HS3ST5: variants seen among roughly 807,000 people sequenced by gnomAD.
The protein encoded by HS3ST5 is heparan sulfate-glucosamine 3-sulfotransferase 5, also known as heparan sulfate glucosamine 3-O-sulfotransferase 5.
A neutral mutation model predicts 25.4 loss-of-function variants in HS3ST5; 10 were observed. The ratio of observed to expected loss-of-function variants is 0.39; its 90% CI spans 0.24 to 0.67. HS3ST5 has a LOEUF of 0.67. HS3ST5 is among the 30% of genes least tolerant of loss of function. The probability of loss-of-function intolerance (pLI) is 0.44; values close to 1 mark genes in which losing one functional copy is unlikely to be tolerated. For synonymous variants in HS3ST5, 170 were observed against 162.4 expected (o/e 1.05, Z -0.36); for missense variants, 324 against 420.7 (o/e 0.77, Z 2.01).
At chr6:114,338,317 A>ATATACATACATATACATTGTGTATATC in intron 1 of HS3ST5, among the ~76,000 whole-genome samples, 1 of 151,634 alleles carries the variant, frequency 6.6e-6, no homozygotes, top group Non-Finnish European at 1.5e-5. Context: ...TTGTGTATAT[A>ATATACATACATATACATTGTGTATATC]TATACATACA....
intron 3 of HS3ST5, among the ~76,000 whole-genome samples, chr6:114,147,248 T>C (rs531178477): frequency 6.6e-6 from 1 of 152,162 alleles, no homozygotes; most frequent in Non-Finnish European, 1.5e-5. Context: ...ATTTGGCTAT[T>C]TGGGGTACGA....
At chr6:114,270,169 G>A (rs1447840155) in intron 1 of HS3ST5, among the ~76,000 whole-genome samples, 1 of 152,120 alleles carries the variant, frequency 6.6e-6, no homozygotes, top group Non-Finnish European at 1.5e-5. Flanking sequence ...TAGTAAATGA[G>A]AAAAAAGAAG....
intron 2 of HS3ST5, among the ~76,000 whole-genome samples, chr6:114,223,522 T>G (rs1442544283): frequency 6.6e-6 from 1 of 151,756 alleles, no homozygotes; most frequent in Admixed American, 6.6e-5. Flanking sequence ...CATTCCTAAA[T>G]TGAAGAAGAA....
intron 2 of HS3ST5, among the ~76,000 whole-genome samples, chr6:114,212,988 G>A (rs1263970355): frequency 6.6e-6 from 1 of 152,134 alleles, no homozygotes; most frequent in Non-Finnish European, 1.5e-5. Context: ...ACAGCCTTCT[G>A]TATCCTGAGC....
Position 114,210,068 on chromosome 6 carries a change from C to CA in HS3ST5, c.-145+18516dup, listed in dbSNP as rs547721259. Among the ~76,000 whole-genome samples the CA allele has an allele frequency of 2.3e-3, 346 of 151,912 alleles. 4 individuals are homozygous for CA. Among genetic ancestry groups the CA allele is most frequent in the African/African-American group, 7.7e-3 (321 of 41,446 alleles). On this transcript the variant is annotated intron_variant, in intron 2 of 4. Coordinates refer to ENST00000312719, the MANE Select transcript of HS3ST5 (RefSeq NM_153612.4). ...AACAAAATTGATATGTCATCCAAGG[C>CA]AAAAAATGTAAATACTCTATTGTAA... is the stretch of plus-strand genomic sequence containing the variant.
At chr6:114,096,950 T>G (rs1775461151) in intron 3 of HS3ST5, among the ~76,000 whole-genome samples, 1 of 152,062 alleles carries the variant, frequency 6.6e-6, no homozygotes, top group Admixed American at 6.6e-5. Flanking sequence ...TTATGGTAAA[T>G]AATTTAGAAA....
chr6:114,097,075 T>A (rs1775470984), intron 3 of HS3ST5, among the ~76,000 whole-genome samples: 1 of 152,154 alleles, frequency 6.6e-6, no homozygotes, highest in East Asian at 1.9e-4. Context: ...CCTGATTACT[T>A]TTCTTCCTGA....
chr6:114,068,333 A>T (rs1773591136), intron 3 of HS3ST5, among the ~76,000 whole-genome samples: 2 of 152,208 alleles, frequency 1.3e-5, no homozygotes, highest in African/African-American at 4.8e-5. Context: ...AGAAAGTGAA[A>T]TCTCATTCTG....
At chr6:114,276,621 A>AAC (rs1773867612) in intron 1 of HS3ST5, among the ~76,000 whole-genome samples, 1 of 144,960 alleles carries the variant, frequency 6.9e-6, no homozygotes, top group African/African-American at 2.5e-5. Context: ...GAAAAAAAAA[A>AAC]ACAAAAAAAC....
intron 1 of HS3ST5, among the ~76,000 whole-genome samples, chr6:114,318,670 G>A (rs1243497548): frequency 2.0e-5 from 3 of 152,064 alleles, no homozygotes; most frequent in Non-Finnish European, 2.9e-5. Flanking sequence ...AACCAGCATC[G>A]TGATTACAAA....
At chr6:114,231,704 T>C (rs1271793717) in intron 1 of HS3ST5, among the ~76,000 whole-genome samples, 1 of 149,904 alleles carries the variant, frequency 6.7e-6, no homozygotes, top group Non-Finnish European at 1.5e-5. Flanking sequence ...AATGAGCACA[T>C]AACCTTATTA....
At chr6:114,258,780 C>T (rs1418272242) in intron 1 of HS3ST5, among the ~76,000 whole-genome samples, 2 of 152,130 alleles carry the variant, frequency 1.3e-5, no homozygotes, top group Non-Finnish European at 2.9e-5. Context: ...TTTTGATCTT[C>T]TAAGGTCTGA....
chr6:114,312,501 A>G (rs1424752995), intron 1 of HS3ST5, among the ~76,000 whole-genome samples: 1 of 152,146 alleles, frequency 6.6e-6, no homozygotes, highest in Non-Finnish European at 1.5e-5. Context: ...GAAATAATAA[A>G]TTAAAAACTT....
At chr6:114,129,265 T>TTTC (rs1308982783) in intron 3 of HS3ST5, among the ~76,000 whole-genome samples, 1 of 146,402 alleles carries the variant, frequency 6.8e-6, no homozygotes, top group Non-Finnish European at 1.5e-5. Context: ...TTTTTTTTTT[T>TTTC]TTTTTTTTGA....
intron 3 of HS3ST5, among the ~76,000 whole-genome samples, chr6:114,101,488 A>G (rs1009593226): frequency 1.3e-5 from 2 of 152,160 alleles, no homozygotes; most frequent in African/African-American, 4.8e-5. Context: ...CCTTTTGTTG[A>G]TTTACAGTGC....
At chr6:114,178,125 G>T (rs9488339) in intron 2 of HS3ST5, among the ~76,000 whole-genome samples, 32,396 of 152,030 alleles carry the variant, frequency 0.21, 3,511 homozygotes, top group East Asian at 0.25. Context: ...TGATACCAAT[G>T]CTTCCCTTAG....
chr6:114,126,738 G>A (rs1271008445), intron 3 of HS3ST5, among the ~76,000 whole-genome samples: 2 of 151,986 alleles, frequency 1.3e-5, no homozygotes, highest in Non-Finnish European at 2.9e-5. Context: ...GAGGATTGGA[G>A]AACTCTCAGG....
In HS3ST5 at chr6:114,093,332, G is replaced by A. The variant is rs554799904; in HGVS notation, c.-32-30455C>T. ...CCCTATAAGGCCTGAGAATGACCTT[G>A]TATCTTTTTTGTTTGTTTGTTTGTG... On this transcript the variant is annotated intron_variant, in intron 3 of 4. Coordinates refer to ENST00000312719, the MANE Select transcript of HS3ST5 (RefSeq NM_153612.4). Among the ~76,000 whole-genome samples, 8 of 149,496 alleles carry A rather than the reference G, an allele frequency of 5.4e-5. No individual in the cohort carries two copies. In the East Asian group the frequency reaches 1.6e-3, roughly 30 times the overall value.
chr6:114,145,269 A>T (rs1778102027), intron 3 of HS3ST5, among the ~76,000 whole-genome samples: 1 of 152,190 alleles, frequency 6.6e-6, no homozygotes, highest in Non-Finnish European at 1.5e-5. Context: ...AAAACAAAAC[A>T]AAAAACAAAA....
Sources: allele counts gnomAD v4.1 joint callset (sites outside exome capture counted in the v4.1 genomes callset), GRCh38; gene constraint gnomAD v4.1.1; transcripts MANE v1.5; gene names NCBI Gene and HGNC (gene_info 2026-07-23, HGNC 2026-07-21).